The following TMEM95 variants were observed in gnomAD, a reference collection of about 807,000 sequenced individuals.
TMEM95 encodes sperm-egg fusion protein TMEM95.
TMEM95 carries 21 observed loss-of-function variants against 27.7 expected under a neutral mutation model. That is an observed-to-expected ratio of 0.76 (90% confidence interval 0.54 to 1.09). The LOEUF is 1.09. Among genes scored for constraint, TMEM95 ranks in the 50% least tolerant of loss-of-function variants. TMEM95 has a pLI of 0.00. For synonymous variants in TMEM95, 77 were observed against 85.7 expected (o/e 0.90, Z 0.56); for missense variants, 203 against 217.9 (o/e 0.93, Z 0.43).
rs746581143 is a variant in TMEM95 at position 7,355,527 on chromosome 17, G to T, written c.170-59G>T. On this transcript the variant is annotated intron_variant, in intron 1 of 6. Coordinates refer to ENST00000576060, the MANE Select transcript of TMEM95 (RefSeq NM_001320436.2). The surrounding 1 kb of genome is among the most constrained non-coding windows in gnomAD (Gnocchi z 4.9). ...GAGAGCTCCATATCTGGGAAAGTCA[G>T]GAGAGACCCCAGAACCTGGGCTGAT... 6.5e-7 allele frequency: 1 copy of T among 1,544,532 alleles called. No individual in the cohort carries two copies. The highest frequency in any genetic ancestry group is 8.8e-7 in the Non-Finnish European group (1 of 1,141,286).
In TMEM95 at chr17:7,357,210, T is replaced by C. The variant is rs1356092327; in HGVS notation, c.*578T>C. ...CCTGCCAGGCCTAAGTAAAACTTGCTGTTCATGGCCTCTGCCCCTGCCTAG... is the reference window on the plus strand; with the variant it reads ...CCTGCCAGGCCTAAGTAAAACTTGCCGTTCATGGCCTCTGCCCCTGCCTAG... On this transcript the variant is annotated 3_prime_UTR_variant, in exon 7 of 7. Coordinates refer to ENST00000576060, the MANE Select transcript of TMEM95 (RefSeq NM_001320436.2). The C allele has an allele frequency of 6.5e-6, 1 of 153,100 alleles. No homozygotes were observed. The highest frequency in any genetic ancestry group is 1.5e-5 in the Non-Finnish European group (1 of 68,748). The allele number at this position is 153,100 out of a possible 1,614,324, so 9.5% of individuals were successfully genotyped here.
At position 7,355,595 on chromosome 17, in the gene TMEM95, C is replaced by G; in HGVS notation, c.179C>G (p.Ser60Cys). 1 of 1,555,690 alleles carries G rather than the reference C, an allele frequency of 6.4e-7. No homozygotes were observed. The highest frequency in any genetic ancestry group is 8.7e-7 in the Non-Finnish European group (1 of 1,148,950). Reference protein sequence around the residue: ...DFSAFALDEVSMNKVTEKTHR... With the variant: ...DFSAFALDEVCMNKVTEKTHR... Reference sequence around the variant, plus strand: ...TTGCCCATCTCCACAGATGAGGTGTCCATGAACAAAGTCACAGAGAAGACT... The same window carrying G: ...TTGCCCATCTCCACAGATGAGGTGTGCATGAACAAAGTCACAGAGAAGACT... Residue 60 changes from serine (S) to cysteine (C), a missense_variant, in exon 2 of 7, where the codon TCC becomes TGC. Physicochemically the swap from Ser to Cys is moderately radical, Grantham distance 112 (BLOSUM62 -1). Transcript: ENST00000576060. The surrounding 1 kb of genome is among the most constrained non-coding windows in gnomAD (Gnocchi z 4.9).
At chr17:7,356,109 C>A (rs1487043910) in intron 4 of TMEM95, 60 bp downstream of exon 4, 1 of 1,611,114 alleles carries the variant, frequency 6.2e-7, no homozygotes, top group Non-Finnish European at 8.5e-7. Context: ...CAGAGGAGGG[C>A]CTGGCAGCTG....
In TMEM95 at chr17:7,356,985, C is replaced by G. The variant is rs993490262; in HGVS notation, c.*353C>G. The G allele has an allele frequency of 1.8e-4, 66 of 359,768 alleles. No homozygotes were observed. Among genetic ancestry groups the G allele is most frequent in the African/African-American group, 1.0e-3 (50 of 47,622 alleles). The allele number at this position is 359,768 out of a possible 1,614,324, so 22.3% of individuals were successfully genotyped here. A position where few individuals can be genotyped will look rare whatever the true frequency, so the allele number is the denominator to read the frequency against. ...CGCCACTCCCACCACACCCACACCC[C>G]CTTCTGCCTGTTCCGGGAAAGCGGG... On this transcript the variant is annotated 3_prime_UTR_variant, in exon 7 of 7. Coordinates refer to ENST00000576060, the MANE Select transcript of TMEM95 (RefSeq NM_001320436.2).
chr17:7,356,809 A>C lies in TMEM95; in HGVS notation c.*177A>C, dbSNP rs1457608717. 5.7e-5 allele frequency: 39 copies of C among 682,024 alleles called. No homozygotes were observed. The highest frequency in any genetic ancestry group is 8.8e-5 in the Non-Finnish European group (37 of 420,352). 42.2% of individuals were successfully genotyped at this position (682,024 alleles called of 1,614,324 possible). On this transcript the variant is annotated 3_prime_UTR_variant, in exon 7 of 7. Coordinates refer to ENST00000576060, the MANE Select transcript of TMEM95 (RefSeq NM_001320436.2). ...GATAATGAAAAACAAGAAAATCCCC[A>C]AAAACCCAGATCCCCCACAATCCCA...
Position 7,355,739 on chromosome 17 carries a change from G to A in TMEM95, c.226+97G>A. ...GGGGTGGGCAGGGAAGGGTGGAGGG[G>A]TAGAGACAGGAGGGCTGATCAGGGA... On this transcript the variant is annotated intron_variant, in intron 2 of 6. Coordinates refer to ENST00000576060, the MANE Select transcript of TMEM95 (RefSeq NM_001320436.2). The surrounding 1 kb of genome is among the most constrained non-coding windows in gnomAD (Gnocchi z 4.9). The A allele has an allele frequency of 6.8e-7, 1 of 1,479,692 alleles. No homozygotes were observed. 91.7% of individuals were successfully genotyped at this position (1,479,692 alleles called of 1,614,324 possible).
intron 4 of TMEM95, 33 bp from the exon 5 acceptor site, chr17:7,356,163 C>A: frequency 6.3e-7 from 1 of 1,585,954 alleles, no homozygotes; most frequent in Non-Finnish European, 8.6e-7. Flanking sequence ...CCCGGCCTCC[C>A]CTCCCCAGCG....
chr17:7,355,546 G>T lies in TMEM95; in HGVS notation c.170-40G>T. The T allele has an allele frequency of 6.4e-7, 1 of 1,551,278 alleles. No homozygotes were observed. The highest frequency in any genetic ancestry group is 1.4e-5 in the African/African-American group (1 of 73,172). Reference sequence around the variant, plus strand: ...AAGTCAGGAGAGACCCCAGAACCTGGGCTGATGAGGGAATCGCTGGTCCTT... The same window carrying T: ...AAGTCAGGAGAGACCCCAGAACCTGTGCTGATGAGGGAATCGCTGGTCCTT... On this transcript the variant is annotated intron_variant, in intron 1 of 6. Coordinates refer to ENST00000576060, the MANE Select transcript of TMEM95 (RefSeq NM_001320436.2). This position sits in a 1 kb window ranked among gnomAD's most constrained non-coding sequence, Gnocchi z 4.9.
rs1390502697 is a variant in TMEM95, at chr17:7,356,033, C to T, written c.312C>T (p.Leu104=). The change falls in exon 4 of 7, where the codon CTC becomes CTT. Residue 104 remains leucine (L), a synonymous_variant. Coordinates refer to ENST00000576060, the MANE Select transcript of TMEM95 (RefSeq NM_001320436.2). Reference sequence around the variant, plus strand: ...CTTCCTTGTCTTTCATTTCAGCTCTCTGTCCCCCCGCCTGCCGTGAGTAGG... The same window carrying T: ...CTTCCTTGTCTTTCATTTCAGCTCTTTGTCCCCCCGCCTGCCGTGAGTAGG... ...TKLPEYTREA[L]CPPACRGSTT... The T allele has an allele frequency of 6.2e-7, 1 of 1,614,036 alleles. No homozygotes were observed. Among genetic ancestry groups the T allele is most frequent in the Non-Finnish European group, 8.5e-7 (1 of 1,179,960 alleles).
rs1421525434 is a variant in TMEM95 at position 7,356,851 on chromosome 17, C to T, written c.*219C>T. The stretch of plus-strand genomic sequence containing the variant: ...ACAATCCCAGTGTCAGATGGCCTCC[C>T]GGGAACCCAGGCACCCACAGCTGGA... On this transcript the variant is annotated 3_prime_UTR_variant, in exon 7 of 7. Transcript: ENST00000576060. The T allele has an allele frequency of 1.6e-5, 9 of 563,118 alleles. No homozygotes were observed. The highest frequency in any genetic ancestry group is 3.0e-5 in the East Asian group (1 of 32,860). 34.9% of individuals were successfully genotyped at this position (563,118 alleles called of 1,614,324 possible).
At chr17:7,356,538 C>T in intron 6 of TMEM95, 59 bp downstream of exon 6, 2 of 1,611,706 alleles carry the variant, frequency 1.2e-6, no homozygotes, top group Non-Finnish European at 1.7e-6. Flanking sequence ...ACCACCCATC[C>T]TCCCTCCCTC....
chr17:7,356,426 C>T lies in TMEM95; in HGVS notation c.444C>T (p.Leu148=), dbSNP rs1469848026. The change falls in exon 6 of 7, where the codon CTC becomes CTT. Residue 148 remains leucine, a synonymous_variant. Coordinates refer to ENST00000576060, the MANE Select transcript of TMEM95 (RefSeq NM_001320436.2). ...SQDLWEAKIL[L]LSIFGAFLLL... is the part of the protein sequence containing the mutation. ...ATCTTTGGGAAGCCAAGATTCTGCT[C>T]CTCTCCATCTTCGGAGCTTTCCTGC... 1 of 1,613,992 alleles carries T rather than the reference C, an allele frequency of 6.2e-7. No individual in the cohort carries two copies. The highest frequency in any genetic ancestry group is 8.5e-7 in the Non-Finnish European group (1 of 1,180,020).
intron 5 of TMEM95, 49 bp from the exon 6 acceptor site, chr17:7,356,343 G>C: frequency 6.2e-7 from 1 of 1,608,166 alleles, no homozygotes; most frequent in Non-Finnish European, 8.5e-7. Flanking sequence ...CTCCCAAGTC[G>C]GTGCGTGTGG....
Position 7,356,640 on chromosome 17 carries a change from G to A in TMEM95, c.*8G>A. On this transcript the variant is annotated 3_prime_UTR_variant, in exon 7 of 7. Transcript: ENST00000576060. ...GCAAAAAGTGGCTTGTGAAGACGCT[G>A]AAAACCTCCCAGCCTCCAGCTCTAA... The A allele has an allele frequency of 6.2e-7, 1 of 1,612,134 alleles. No individual in the cohort carries two copies. The highest frequency in any genetic ancestry group is 8.5e-7 in the Non-Finnish European group (1 of 1,179,088).
Position 7,357,099 on chromosome 17 carries a change from T to A in TMEM95, c.*467T>A, listed in dbSNP as rs981243415. The A allele has an allele frequency of 2.9e-5, 5 of 171,210 alleles. No homozygotes were observed. Among genetic ancestry groups the A allele is most frequent in the Non-Finnish European group, 6.2e-5 (5 of 81,188 alleles). 10.6% of individuals were successfully genotyped at this position (171,210 alleles called of 1,614,324 possible). A position where few individuals can be genotyped will look rare whatever the true frequency, so the allele number is the denominator to read the frequency against. On this transcript the variant is annotated 3_prime_UTR_variant, in exon 7 of 7. Coordinates refer to ENST00000576060, the MANE Select transcript of TMEM95 (RefSeq NM_001320436.2). ...TTCTGGAAAACTCACCCCACTAGAG[T>A]GAGATCACATCAGTGGGTTCGCGGG... is the stretch of plus-strand genomic sequence containing the variant.
chr17:7,356,208 C>T lies in TMEM95; in HGVS notation c.341C>T (p.Thr114Met), dbSNP rs371300480. The change falls in exon 5 of 7, where the codon ACG becomes ATG. Residue 114 changes from threonine (T) to methionine (M), a missense_variant. By Grantham distance (81) the Thr-to-Met change is moderately conservative (BLOSUM62 -1). Coordinates refer to ENST00000576060, the MANE Select transcript of TMEM95 (RefSeq NM_001320436.2). ...LCPPACRGST[T>M]LYNCSTCKGT... ...CTGTCTCCTGCAGGGGGCAGCACCA[C>T]GCTGTACAACTGCTCCACCTGCAAG... The T allele has an allele frequency of 1.1e-5, 17 of 1,566,136 alleles. No individual in the cohort carries two copies. Among genetic ancestry groups the T allele is most frequent in the Admixed American group, 5.5e-5 (3 of 54,474 alleles).
Position 7,356,238 on chromosome 17 carries a change from C to G in TMEM95, c.371C>G (p.Thr124Arg), listed in dbSNP as rs778817942. ...TLYNCSTCKGTEVSCWPRKRC... is the reference protein window; with the variant it reads ...TLYNCSTCKGREVSCWPRKRC... ...TACAACTGCTCCACCTGCAAGGGGA[C>G]GGAGGTGTCCTGCTGGCCCCGAAAG... Residue 124 changes from threonine to arginine, a missense_variant, in exon 5 of 7, where the codon ACG (threonine) becomes AGG (arginine). Transcript: ENST00000576060. 1 of 1,567,696 alleles carries G rather than the reference C, an allele frequency of 6.4e-7. No individual in the cohort carries two copies. The highest frequency in any genetic ancestry group is 1.8e-5 in the Admixed American group (1 of 55,286).
At position 7,355,523 on chromosome 17, in the gene TMEM95, G is replaced by A; in HGVS notation, c.170-63G>A. On this transcript the variant is annotated intron_variant, in intron 1 of 6. Transcript: ENST00000576060. The surrounding 1 kb of genome is among the most constrained non-coding windows in gnomAD (Gnocchi z 4.9). Reference sequence around the variant, plus strand: ...CTGAGAGAGCTCCATATCTGGGAAAGTCAGGAGAGACCCCAGAACCTGGGC... The same window carrying A: ...CTGAGAGAGCTCCATATCTGGGAAAATCAGGAGAGACCCCAGAACCTGGGC... 15 of 1,543,092 alleles carry A rather than the reference G, an allele frequency of 9.7e-6. No homozygotes were observed. Among genetic ancestry groups the A allele is most frequent in the Non-Finnish European group, 1.3e-5 (15 of 1,140,400 alleles).
At position 7,356,649 on chromosome 17, in the gene TMEM95, C is replaced by T. The variant is rs200117222; in HGVS notation, c.*17C>T. ...GGCTTGTGAAGACGCTGAAAACCTC[C>T]CAGCCTCCAGCTCTAAGGGGTATGC... On this transcript the variant is annotated 3_prime_UTR_variant, in exon 7 of 7. Transcript: ENST00000576060. The T allele has an allele frequency of 5.1e-5, 82 of 1,612,540 alleles. No homozygotes were observed. The East Asian group carries it at 1.2e-3, about 23-fold the overall frequency.
Sources: allele counts gnomAD v4.1 joint callset, GRCh38; gene constraint gnomAD v4.1.1; non-coding constraint Gnocchi (gnomAD v3.1); transcripts MANE v1.5; gene names NCBI Gene and HGNC (gene_info 2026-07-23, HGNC 2026-07-21).